LRP1B: variants seen among roughly 807,000 people sequenced by gnomAD.
LRP1B encodes low-density lipoprotein receptor-related protein 1B.
In LRP1B, 217 loss-of-function variants were observed where a neutral mutation model predicts 556.6. The observed-to-expected ratio is 0.39, with a 90% CI of 0.35 to 0.44. LRP1B has a LOEUF of 0.44. Among genes scored for constraint, LRP1B ranks in the 20% least tolerant of loss-of-function variants. The pLI is 1.00. For missense variants in LRP1B, 5,053 were observed against 5,620.8 expected, an observed-to-expected ratio of 0.90 and a Z score of 3.23; for synonymous variants, 2,047 against 1,865.8, an observed-to-expected ratio of 1.10 and a Z score of -2.50.
At chr2:140,430,274 C>A (rs866314811) in intron 66 of LRP1B, among the ~76,000 whole-genome samples, 1 of 152,300 alleles carries the variant, frequency 6.6e-6, no homozygotes, top group South Asian at 2.1e-4. Flanking sequence ...CCCTCACTCT[C>A]GCAAAAGGAC....
At chr2:140,328,483 A>G (rs919021724) in intron 79 of LRP1B, among the ~76,000 whole-genome samples, 1 of 151,368 alleles carries the variant, frequency 6.6e-6, no homozygotes, top group Non-Finnish European at 1.5e-5. Context: ...AAAGAAAAAA[A>G]AAAAGAAAAT....
At chr2:141,590,766 C>T (rs1687305975) in intron 2 of LRP1B, among the ~76,000 whole-genome samples, 1 of 152,120 alleles carries the variant, frequency 6.6e-6, no homozygotes, top group South Asian at 2.1e-4. Context: ...CCTGCTGCTA[C>T]CAGATATGCC....
At chr2:140,732,400 C>T (rs1687808993) in intron 35 of LRP1B, among the ~76,000 whole-genome samples, 1 of 152,008 alleles carries the variant, frequency 6.6e-6, no homozygotes, top group Non-Finnish European at 1.5e-5. Flanking sequence ...TCCAATTTCA[C>T]CAAATACCTT....
rs1701162931 is a variant in LRP1B, at chr2:141,124,896, A to T, written c.1014-62623T>A. ...GGATTGTATGCATATATACAGAAAG[A>T]TTACAGAGTCAGCCGTGTCTGTTTT... On this transcript the variant is annotated intron_variant, in intron 7 of 90. Coordinates refer to ENST00000389484, the MANE Select transcript of LRP1B (RefSeq NM_018557.3). 2.6e-5 allele frequency among the ~76,000 whole-genome samples: 4 copies of T among 152,160 alleles called. No homozygotes were observed. In the South Asian group the frequency reaches 8.3e-4, roughly 32 times the overall value.
intron 1 of LRP1B, among the ~76,000 whole-genome samples, chr2:141,878,074 G>C (rs1333486218): frequency 6.8e-6 from 1 of 147,832 alleles, no homozygotes; most frequent in Non-Finnish European, 1.5e-5. Context: ...TTGGAACACT[G>C]GTGAAGTTAA....
chr2:141,841,616 G>A (rs1475322990), intron 1 of LRP1B, among the ~76,000 whole-genome samples: 2 of 152,114 alleles, frequency 1.3e-5, no homozygotes, highest in Non-Finnish European at 2.9e-5. Context: ...TGGCTTGAAA[G>A]CAGGGTTGAT....
intron 3 of LRP1B, among the ~76,000 whole-genome samples, chr2:141,314,062 T>C (rs1185110326): frequency 2.0e-5 from 3 of 152,226 alleles, no homozygotes; most frequent in African/African-American, 7.2e-5. Context: ...GATACTTTTC[T>C]CAACATTTTT....
chr2:141,246,846 T>C (rs550133468), intron 5 of LRP1B, among the ~76,000 whole-genome samples: 74 of 152,186 alleles, frequency 4.9e-4, no homozygotes, highest in Non-Finnish European at 7.1e-4. Flanking sequence ...GTGCCTGTAG[T>C]CCCAGCTACT....
intron 11 of LRP1B, among the ~76,000 whole-genome samples, chr2:141,036,650 G>T (rs1392506094): frequency 6.6e-6 from 1 of 152,020 alleles, no homozygotes; most frequent in Admixed American, 6.6e-5. Flanking sequence ...GTCCCTGAGG[G>T]AGGGGTAAGA....
At chr2:140,539,660 C>T (rs1680061772) in intron 45 of LRP1B, among the ~76,000 whole-genome samples, 1 of 152,122 alleles carries the variant, frequency 6.6e-6, no homozygotes, top group Non-Finnish European at 1.5e-5. Flanking sequence ...GTGAAAGAAA[C>T]ATGAGTGATT....
Position 141,229,282 on chromosome 2 carries a change from C to G in LRP1B, c.751G>C (p.Glu251Gln), listed in dbSNP as rs761102168. 4.3e-6 allele frequency: 7 copies of G among 1,611,654 alleles called. No homozygotes were observed. The highest frequency in any genetic ancestry group is 4.0e-5 in the African/African-American group (3 of 74,876). Reference sequence around the variant, plus strand: ...AGTTGATTTGAAGATTCTCTTGATTCAATCCAACAAATCATATCTTCATTA... The same window carrying G: ...AGTTGATTTGAAGATTCTCTTGATTGAATCCAACAAATCATATCTTCATTA... ...IYNEDMICWI[E>Q]SRESSNQLKC... The change falls in exon 6 of 91, where the codon GAA becomes CAA. Residue 251 changes from glutamate to glutamine, a missense_variant. Glu to Gln is a conservative substitution (Grantham distance 29). Transcript: ENST00000389484.
chr2:141,745,239 C>A (rs750428340), intron 2 of LRP1B, among the ~76,000 whole-genome samples: 6 of 152,148 alleles, frequency 3.9e-5, no homozygotes, highest in African/African-American at 4.8e-5. Context: ...CAGCAAGTGG[C>A]AAAGTCAGCT....
rs183760355 is a variant in LRP1B, at chr2:140,731,693, G to A, written c.5759-14877C>T. Among the ~76,000 whole-genome samples the A allele has an allele frequency of 3.5e-3, 529 of 149,594 alleles. 3 individuals are homozygous for A. The highest frequency in any genetic ancestry group is 6.1e-3 in the Non-Finnish European group (414 of 67,584). On this transcript the variant is annotated intron_variant, in intron 35 of 90. Coordinates refer to ENST00000389484, the MANE Select transcript of LRP1B (RefSeq NM_018557.3). ...TGAGGCAGGAGAATCACTTGAACCC[G>A]GGAGACGGAGCTTGCAGTGAGCCGA...
Position 140,371,200 on chromosome 2 carries a change from A to G in LRP1B, c.10854T>C (p.Asp3618=). 6.3e-7 allele frequency: 1 copy of G among 1,593,670 alleles called. No individual in the cohort carries two copies. Among genetic ancestry groups the G allele is most frequent in the Non-Finnish European group, 8.5e-7 (1 of 1,169,792 alleles). ...TTACCTCATCTGAACCATCAGCACA[A>G]TCATATTCTCCATTACATTTCAAAG... The part of the protein sequence containing the change: ...SASLKCNGEY[D]CADGSDEMDC... The change falls in exon 70 of 91, where the codon GAT becomes GAC. Residue 3618 remains aspartate (D), a synonymous_variant. Coordinates refer to ENST00000389484, the MANE Select transcript of LRP1B (RefSeq NM_018557.3).
chr2:142,108,193 A>G (rs1421337742), intron 1 of LRP1B, among the ~76,000 whole-genome samples: 2 of 151,854 alleles, frequency 1.3e-5, no homozygotes, highest in Non-Finnish European at 2.9e-5. Context: ...AAATGAATTT[A>G]TAGGGAACTC....
chr2:140,666,679 T>C (rs1685287415), intron 41 of LRP1B, among the ~76,000 whole-genome samples: 2 of 152,208 alleles, frequency 1.3e-5, no homozygotes, highest in Non-Finnish European at 2.9e-5. Context: ...AAACAACTCA[T>C]AGTACATTTT....
chr2:141,951,929 G>T lies in LRP1B; in HGVS notation c.83-141528C>A, dbSNP rs1243444907. Among the ~76,000 whole-genome samples, 3 of 151,386 alleles carry T rather than the reference G, an allele frequency of 2.0e-5. No homozygotes were observed. The East Asian group carries it at 5.8e-4, about 30-fold the overall frequency. On this transcript the variant is annotated intron_variant, in intron 1 of 90. Coordinates refer to ENST00000389484, the MANE Select transcript of LRP1B (RefSeq NM_018557.3). ...TACATATGTATACATGTGCCATGTT[G>T]GTGTGCTGCACCCATTAACTCATCA...
At chr2:142,114,593 T>A (rs559961616) in intron 1 of LRP1B, among the ~76,000 whole-genome samples, 1 of 151,958 alleles carries the variant, frequency 6.6e-6, no homozygotes, top group Non-Finnish European at 1.5e-5. Context: ...TCATGAAAAA[T>A]AATACAATTC....
At chr2:140,814,414 G>C (rs1691034406) in intron 31 of LRP1B, among the ~76,000 whole-genome samples, 1 of 152,118 alleles carries the variant, frequency 6.6e-6, no homozygotes, top group Non-Finnish European at 1.5e-5. Flanking sequence ...ATAGTACCTA[G>C]AGTAGATAAG....
Sources: gnomAD v4.1 joint callset for allele counts (sites outside exome capture counted in the v4.1 genomes callset) on GRCh38, gnomAD v4.1.1 for gene constraint, MANE v1.5 for transcripts, NCBI Gene and HGNC (gene_info 2026-07-23, HGNC 2026-07-21) for gene names.